ACOX2: variants seen among roughly 807,000 people sequenced by gnomAD.
ACOX2 encodes the protein peroxisomal acyl-coenzyme A oxidase 2.
A neutral mutation model predicts 77.5 loss-of-function variants in ACOX2; 59 were observed. The observed-to-expected ratio is 0.76, with a 90% CI of 0.62 to 0.95. The LOEUF is 0.95. Among genes scored for constraint, ACOX2 ranks in the 40% least tolerant of loss-of-function variants. The pLI is 0.00. For synonymous variants in ACOX2, 317 were observed against 340.1 expected (o/e 0.93, Z 0.75); for missense variants, 837 against 880.4 (o/e 0.95, Z 0.62).
Position 58,512,954 on chromosome 3 carries a change from C to T in ACOX2, c.1851-3929G>A, listed in dbSNP as rs537453219. On this transcript the variant is annotated intron_variant, in intron 13 of 14. Transcript: ENST00000302819. This position sits in a 1 kb window ranked among gnomAD's most constrained non-coding sequence, Gnocchi z 4.8. ...TCACCTGAAGACACATTTCTCAGAA[C>T]GGATCCTCCAGTCATTAAGTGATGC... 3.3e-5 allele frequency among the ~76,000 whole-genome samples: 5 copies of T among 152,320 alleles called. No individual in the cohort carries two copies. The highest frequency in any genetic ancestry group is 6.5e-5 in the Admixed American group (1 of 15,300).
Position 58,510,663 on chromosome 3 carries a change from AAT to A in ACOX2, c.1851-1640_1851-1639del, listed in dbSNP as rs1364040351. Among the ~76,000 whole-genome samples the A allele has an allele frequency of 8.1e-3, 116 of 14,344 alleles. 1 individual carries two copies. The highest frequency in any genetic ancestry group is 0.01 in the Non-Finnish European group (86 of 8,330). The allele number at this position is 14,344 out of a possible 152,430, so 9.4% of individuals were successfully genotyped here. A position where few individuals can be genotyped will look rare whatever the true frequency, so the allele number is the denominator to read the frequency against. On this transcript the variant is annotated intron_variant, in intron 13 of 14. Coordinates refer to ENST00000302819, the MANE Select transcript of ACOX2 (RefSeq NM_003500.4). ...AAAAAAAAAAAAAAAAAAAAAAAAA[AAT>A]ATATATATATATATATATATATATA...
At chr3:58,510,937 T>G (rs1263372004) in intron 13 of ACOX2, 1 of 456,130 alleles carries the variant, frequency 2.2e-6, no homozygotes. Flanking sequence ...ATTTACTCAT[T>G]GTTCATTTAC....
In ACOX2 at chr3:58,531,862, T is replaced by G; in HGVS notation, c.584-50A>C. 3.8e-6 allele frequency: 6 copies of G among 1,561,002 alleles called. No homozygotes were observed. Among genetic ancestry groups the G allele is most frequent in the Non-Finnish European group, 5.2e-6 (6 of 1,154,208 alleles). Reference sequence around the variant, plus strand: ...CGTCACAGGAAGACCTGTGCATTGCTTTTCCCAACCAACCCAGCCTCCTGG... The same window carrying G: ...CGTCACAGGAAGACCTGTGCATTGCGTTTCCCAACCAACCCAGCCTCCTGG... On this transcript the variant is annotated intron_variant, in intron 5 of 14. Coordinates refer to ENST00000302819, the MANE Select transcript of ACOX2 (RefSeq NM_003500.4). The surrounding 1 kb of genome is among the most constrained non-coding windows in gnomAD (Gnocchi z 5.8).
Position 58,534,309 on chromosome 3 carries a change from G to T in ACOX2, c.323+51C>A, listed in dbSNP as rs1327747621. 2 of 1,605,466 alleles carry T rather than the reference G, an allele frequency of 1.2e-6. No homozygotes were observed. The highest frequency in any genetic ancestry group is 2.2e-5 in the South Asian group (2 of 89,988). On this transcript the variant is annotated intron_variant, in intron 3 of 14. Transcript: ENST00000302819. This position sits in a 1 kb window ranked among gnomAD's most constrained non-coding sequence, Gnocchi z 4.8. ...GGCTCATGGGGCTAGGGGGTTTCCA[G>T]GTGATCCCAGGTAGATCCCTCTCTA... is the stretch of plus-strand genomic sequence containing the variant.
At chr3:58,529,974 G>A (rs1281673712) in intron 8 of ACOX2, among the ~76,000 whole-genome samples, 1 of 152,206 alleles carries the variant, frequency 6.6e-6, no homozygotes, top group Non-Finnish European at 1.5e-5. Context: ...ATACCAGTGG[G>A]ATGCTGACAG....
In ACOX2 at chr3:58,533,335, GA is replaced by G; in HGVS notation, c.583+109del. 9.8e-7 allele frequency: 1 copy of G among 1,022,762 alleles called. No individual in the cohort carries two copies. Among genetic ancestry groups the G allele is most frequent in the Non-Finnish European group, 1.5e-6 (1 of 672,156 alleles). 63.4% of individuals were successfully genotyped at this position (1,022,762 alleles called of 1,614,324 possible). On this transcript the variant is annotated intron_variant, in intron 5 of 14. Transcript: ENST00000302819. This position sits in a 1 kb window ranked among gnomAD's most constrained non-coding sequence, Gnocchi z 5.6. ...TGACTTGCCCAAGGTCAGCAGCCTA[GA>G]ACAGAAAATCAATCTGAGGTCTGTT...
In ACOX2 at chr3:58,515,228, C is replaced by T. The variant is rs1190828295; in HGVS notation, c.1850+1978G>A. Among the ~76,000 whole-genome samples, 1 of 152,180 alleles carries T rather than the reference C, an allele frequency of 6.6e-6. No individual in the cohort carries two copies. The highest frequency in any genetic ancestry group is 2.4e-5 in the African/African-American group (1 of 41,432). Reference sequence around the variant, plus strand: ...TAGAGACCGGGTTTCACCATGTTGGCCAGGCTGGCCTCGAACTCCTGACCT... The same window carrying T: ...TAGAGACCGGGTTTCACCATGTTGGTCAGGCTGGCCTCGAACTCCTGACCT... On this transcript the variant is annotated intron_variant, in intron 13 of 14. Transcript: ENST00000302819. This position sits in a 1 kb window ranked among gnomAD's most constrained non-coding sequence, Gnocchi z 4.0.
intron 13 of ACOX2, among the ~76,000 whole-genome samples, chr3:58,510,662 AAATATATATAT>A (rs2063275133): frequency 4.1e-4 from 5 of 12,280 alleles, no homozygotes; most frequent in African/African-American, 1.6e-3. Flanking sequence ...AAAAAAAAAA[AAATATATATAT>A]ATATATATAT....
In ACOX2 at chr3:58,528,986, T is replaced by C; in HGVS notation, c.993-30A>G. 6.3e-7 allele frequency: 1 copy of C among 1,588,074 alleles called. No homozygotes were observed. ...AGGGAAAAGAACCAGAAGATTTAGA[T>C]CACTACCTGTTGTGTCCACCTTCCC... is the stretch of plus-strand genomic sequence containing the variant. On this transcript the variant is annotated intron_variant, in intron 8 of 14. Coordinates refer to ENST00000302819, the MANE Select transcript of ACOX2 (RefSeq NM_003500.4). This position sits in a 1 kb window ranked among gnomAD's most constrained non-coding sequence, Gnocchi z 5.6.
intron 13 of ACOX2, among the ~76,000 whole-genome samples, chr3:58,513,130 C>T (rs777398041): frequency 1.9e-4 from 29 of 152,166 alleles, no homozygotes; most frequent in Non-Finnish European, 3.8e-4. Flanking sequence ...CTCCTCCCTA[C>T]TGACCCCCAG....
Position 58,509,825 on chromosome 3 carries a change from C to T in ACOX2, c.1851-800G>A, listed in dbSNP as rs2063265282. 2.6e-5 allele frequency among the ~76,000 whole-genome samples: 4 copies of T among 151,854 alleles called. No homozygotes were observed. The South Asian group carries it at 6.2e-4, about 24-fold the overall frequency. ...TTCACCATGTTGGCCAGGTTGGTCT[C>T]GAATTCCTGACCTCAGGTGATCTGC... is the stretch of plus-strand genomic sequence containing the variant. On this transcript the variant is annotated intron_variant, in intron 13 of 14. Transcript: ENST00000302819.
Position 58,531,718 on chromosome 3 carries a change from A to C in ACOX2, c.678T>G (p.Ser226Arg). The C allele has an allele frequency of 6.2e-7, 1 of 1,613,882 alleles. No individual in the cohort carries two copies. Among genetic ancestry groups the C allele is most frequent in the Non-Finnish European group, 8.5e-7 (1 of 1,179,986 alleles). ...GMHAFIVPIR[S>R]LQDHTPLPGI... ...CTGGCAGTGGGGTGTGGTCCTGAAG[A>C]CTCCGGATTGGCACAATAAAAGCGT... Residue 226 changes from serine to arginine, a missense_variant, in exon 6 of 15, where the codon AGT becomes AGG. By Grantham distance (110) the Ser-to-Arg change is moderately radical. Coordinates refer to ENST00000302819, the MANE Select transcript of ACOX2 (RefSeq NM_003500.4). The surrounding 1 kb of genome is among the most constrained non-coding windows in gnomAD (Gnocchi z 5.8).
At chr3:58,508,273 G>T (rs950389146) in intron 14 of ACOX2, among the ~76,000 whole-genome samples, 3 of 152,108 alleles carry the variant, frequency 2.0e-5, no homozygotes, top group Non-Finnish European at 4.4e-5. Flanking sequence ...TAGAGTTCTG[G>T]TGTGCTCTCC....
In ACOX2 at chr3:58,528,644, G is replaced by A. The variant is rs528529756; in HGVS notation, c.1155+150C>T. ...GGGTAAATTTATATACCAGGGTGCCGTTCACCCAGACGCCCTGGGATGCTG... is the reference window on the plus strand; with the variant it reads ...GGGTAAATTTATATACCAGGGTGCCATTCACCCAGACGCCCTGGGATGCTG... On this transcript the variant is annotated intron_variant, in intron 9 of 14. Transcript: ENST00000302819. This position sits in a 1 kb window ranked among gnomAD's most constrained non-coding sequence, Gnocchi z 5.6. The A allele has an allele frequency of 3.7e-5, 36 of 979,954 alleles. No individual in the cohort carries two copies. Among genetic ancestry groups the A allele is most frequent in the South Asian group, 4.7e-5 (2 of 42,348 alleles). 60.7% of individuals were successfully genotyped at this position (979,954 alleles called of 1,614,324 possible). A position where few individuals can be genotyped will look rare whatever the true frequency, so the allele number is the denominator to read the frequency against.
chr3:58,516,971 A>AAT (rs1338463992), intron 13 of ACOX2, among the ~76,000 whole-genome samples: 1 of 152,230 alleles, frequency 6.6e-6, no homozygotes, highest in African/African-American at 2.4e-5. Flanking sequence ...TGACAATGTA[A>AAT]AGAGTTCAAC....
chr3:58,526,333 A>G lies in ACOX2; in HGVS notation c.1346+133T>C. ...AGTGGATAGGTTAGTCATACTGGGG[A>G]ATTGGACAGCTCCCAAATAGCACTT... On this transcript the variant is annotated intron_variant, in intron 10 of 14. Transcript: ENST00000302819. The surrounding 1 kb of genome is among the most constrained non-coding windows in gnomAD (Gnocchi z 4.3). 1 of 1,031,676 alleles carries G rather than the reference A, an allele frequency of 9.7e-7. No homozygotes were observed. The highest frequency in any genetic ancestry group is 1.4e-6 in the Non-Finnish European group (1 of 718,564). 63.9% of individuals were successfully genotyped at this position (1,031,676 alleles called of 1,614,324 possible).
Position 58,517,340 on chromosome 3 carries a change from G to A in ACOX2, c.1716C>T (p.Leu572=), listed in dbSNP as rs2063328333. The change falls in exon 13 of 15, where the codon CTC becomes CTT. Residue 572 remains leucine (L), a synonymous_variant. Transcript: ENST00000302819. ...LENEPAIQQV[L]KRLCDLHAIH... ...TGGCATGGAGGTCACAGAGGCGCTT[G>A]AGCACCTGCTGAATCGCTGGTTCAT... 1.2e-6 allele frequency: 2 copies of A among 1,614,172 alleles called. No homozygotes were observed. Among genetic ancestry groups the A allele is most frequent in the Non-Finnish European group, 1.7e-6 (2 of 1,180,038 alleles).
At chr3:58,511,230 C>A (rs2063284963) in intron 13 of ACOX2, 2 of 323,874 alleles carry the variant, frequency 6.2e-6, no homozygotes, top group Non-Finnish European at 1.2e-5. Context: ...CCAACAACAT[C>A]AAAATTCCCC....
Position 58,515,360 on chromosome 3 carries a change from G to C in ACOX2, c.1850+1846C>G, listed in dbSNP as rs1341645831. Reference sequence around the variant, plus strand: ...TTTGACCACCAGCTATCTGTTACATGCTATGAGTAGTCATAAAGGGCATGT... The same window carrying C: ...TTTGACCACCAGCTATCTGTTACATCCTATGAGTAGTCATAAAGGGCATGT... On this transcript the variant is annotated intron_variant, in intron 13 of 14. Transcript: ENST00000302819. This position sits in a 1 kb window ranked among gnomAD's most constrained non-coding sequence, Gnocchi z 4.0. 1.3e-5 allele frequency among the ~76,000 whole-genome samples: 2 copies of C among 152,074 alleles called. No homozygotes were observed. Among genetic ancestry groups the C allele is most frequent in the African/African-American group, 4.8e-5 (2 of 41,418 alleles).
Sources: gnomAD v4.1 joint callset for allele counts (sites outside exome capture counted in the v4.1 genomes callset) on GRCh38, gnomAD v4.1.1 for gene constraint, Gnocchi (gnomAD v3.1) non-coding constraint, MANE v1.5 for transcripts, NCBI Gene and HGNC (gene_info 2026-07-23, HGNC 2026-07-21) for gene names.